CNKSR3: variants seen among roughly 807,000 people sequenced by gnomAD.
The protein encoded by CNKSR3 is connector enhancer of kinase suppressor of ras 3.
CNKSR3 carries 36 observed loss-of-function variants against 67.7 expected under a neutral mutation model. The observed-to-expected ratio is 0.53, with a 90% CI of 0.41 to 0.70. The LOEUF is 0.70. CNKSR3 is among the 30% of genes least tolerant of loss of function. The pLI, the probability that CNKSR3 is intolerant of heterozygous loss-of-function variation, is 0.00. For synonymous variants in CNKSR3, 281 were observed against 271.4 expected, an observed-to-expected ratio of 1.04 and a Z score of -0.35; for missense variants, 630 against 695.2, an observed-to-expected ratio of 0.91 and a Z score of 1.05.
chr6:154,507,897 A>G (rs1787134717), intron 1 of CNKSR3, among the ~76,000 whole-genome samples: 1 of 152,210 alleles, frequency 6.6e-6, no homozygotes, highest in Non-Finnish European at 1.5e-5. Flanking sequence ...ATACTCAACA[A>G]ACATAACAGG....
At chr6:154,464,551 C>A (rs1786151752) in intron 1 of CNKSR3, among the ~76,000 whole-genome samples, 1 of 151,358 alleles carries the variant, frequency 6.6e-6, no homozygotes, top group Non-Finnish European at 1.5e-5. Context: ...CCCATCTCTA[C>A]TAAAATACAA....
intron 1 of CNKSR3, among the ~76,000 whole-genome samples, chr6:154,470,889 A>C (rs1306271699): frequency 6.6e-6 from 1 of 152,230 alleles, no homozygotes; most frequent in African/African-American, 2.4e-5. Flanking sequence ...ACCATGTTAC[A>C]TTCCTGCCAG....
intron 8 of CNKSR3, 78 bp downstream of exon 8, chr6:154,422,837 T>TA (rs1313318537): frequency 1.5e-6 from 2 of 1,337,188 alleles, no homozygotes; most frequent in Admixed American, 4.1e-5. Context: ...CGGCAAATTT[T>TA]AAAAATTTAA....
In CNKSR3 at chr6:154,394,065, C is replaced by G. The variant is rs548479398; in HGVS notation, c.*12289G>C. 6 of 152,316 alleles carry G rather than the reference C, an allele frequency of 3.9e-5. No homozygotes were observed. The highest frequency in any genetic ancestry group is 1.4e-4 in the African/African-American group (6 of 41,562). 9.4% of individuals were successfully genotyped at this position (152,316 alleles called of 1,614,324 possible). A position where few individuals can be genotyped will look rare whatever the true frequency, so the allele number is the denominator to read the frequency against. ...TGAGGGTTTTGCTTTGTCATCCAGA[C>G]TGGAGTGCAGTGGTGTAAACCTGGT... On this transcript the variant is annotated 3_prime_UTR_variant, in exon 13 of 13. Transcript: ENST00000607772.
intron 1 of CNKSR3, among the ~76,000 whole-genome samples, chr6:154,497,088 G>A (rs185888814): frequency 5.6e-4 from 86 of 152,218 alleles, no homozygotes; most frequent in South Asian, 4.6e-3. Flanking sequence ...TTAAAGAATC[G>A]TGATAAAGGC....
Position 154,428,125 on chromosome 6 carries a change from T to C in CNKSR3, c.729+3A>G. On this transcript the variant is annotated splice_donor_region_variant and intron_variant, in intron 7 of 12. Coordinates refer to ENST00000607772, the MANE Select transcript of CNKSR3 (RefSeq NM_173515.4). The stretch of plus-strand genomic sequence containing the variant: ...ATTTTACACTTAATGAATATACACT[T>C]ACATTTTCTGTGGTTCCAGTAATCA... The C allele has an allele frequency of 6.3e-7, 1 of 1,589,718 alleles. No individual in the cohort carries two copies. Among genetic ancestry groups the C allele is most frequent in the South Asian group, 1.1e-5 (1 of 90,444 alleles).
intron 1 of CNKSR3, among the ~76,000 whole-genome samples, chr6:154,466,021 G>T (rs2114620258): frequency 6.6e-6 from 1 of 152,308 alleles, no homozygotes; most frequent in Non-Finnish European, 1.5e-5. Flanking sequence ...GCCTCCAAAG[G>T]ATGAAACACT....
At chr6:154,480,072 A>G (rs1449415758) in intron 1 of CNKSR3, among the ~76,000 whole-genome samples, 2 of 152,230 alleles carry the variant, frequency 1.3e-5, no homozygotes, top group African/African-American at 2.4e-5. Context: ...GTTGGCTGTC[A>G]GGAACGGAAA....
chr6:154,434,808 T>TTG (rs1168731807), intron 4 of CNKSR3, among the ~76,000 whole-genome samples: 1 of 152,226 alleles, frequency 6.6e-6, no homozygotes, highest in Non-Finnish European at 1.5e-5. Context: ...CCAAATGTGC[T>TTG]TTTCCAATTC....
At position 154,495,172 on chromosome 6, in the gene CNKSR3, A is replaced by T. The variant is rs935909476; in HGVS notation, c.52+14891T>A. On this transcript the variant is annotated intron_variant, in intron 1 of 12. Coordinates refer to ENST00000607772, the MANE Select transcript of CNKSR3 (RefSeq NM_173515.4). ...GATATTTGCACCTCATTACAACATG[A>T]CACAATTAGAATGCTGTAATAAGAG... Among the ~76,000 whole-genome samples, 4 of 152,256 alleles carry T rather than the reference A, an allele frequency of 2.6e-5. No homozygotes were observed. In the South Asian group the frequency reaches 8.3e-4, roughly 32 times the overall value.
intron 1 of CNKSR3, among the ~76,000 whole-genome samples, chr6:154,487,635 T>A (rs552912350): frequency 1.3e-5 from 2 of 152,348 alleles, no homozygotes; most frequent in South Asian, 4.1e-4. Context: ...TGTGAATGAA[T>A]GGACACATGA....
At chr6:154,482,746 A>G (rs2114640526) in intron 1 of CNKSR3, among the ~76,000 whole-genome samples, 1 of 152,362 alleles carries the variant, frequency 6.6e-6, no homozygotes, top group African/African-American at 2.4e-5. Context: ...CAACCTATCT[A>G]GAGTTCTGTT....
intron 1 of CNKSR3, among the ~76,000 whole-genome samples, chr6:154,465,812 A>G (rs1582882908): frequency 6.6e-6 from 1 of 152,354 alleles, no homozygotes; most frequent in East Asian, 1.9e-4. Flanking sequence ...ACTTAAAGAC[A>G]TTATCAGAAG....
intron 9 of CNKSR3, chr6:154,414,752 T>C: frequency 1.9e-6 from 1 of 529,186 alleles, no homozygotes; most frequent in Non-Finnish European, 3.9e-6. Context: ...ACTGATAATA[T>C]CTCTTGCATA....
intron 1 of CNKSR3, among the ~76,000 whole-genome samples, chr6:154,470,079 C>T (rs773742256): frequency 2.0e-5 from 3 of 151,226 alleles, no homozygotes; most frequent in Non-Finnish European, 2.9e-5. Context: ...CAAGGGTCTA[C>T]TGTAATTTGA....
At position 154,389,905 on chromosome 6, in the gene CNKSR3, C is replaced by A. The variant is rs1036785334; in HGVS notation, c.*16449G>T. 2 of 152,120 alleles carry A rather than the reference C, an allele frequency of 1.3e-5. No individual in the cohort carries two copies. The highest frequency in any genetic ancestry group is 4.8e-5 in the African/African-American group (2 of 41,422). 9.4% of individuals were successfully genotyped at this position (152,120 alleles called of 1,614,324 possible). ...CTGATGAAATAAATTAAAGAAGACA[C>A]AAACAAATGGAAAGACATTTCATTC... On this transcript the variant is annotated 3_prime_UTR_variant, in exon 13 of 13. Transcript: ENST00000607772.
chr6:154,473,326 G>A (rs1207176746), intron 1 of CNKSR3, among the ~76,000 whole-genome samples: 1 of 152,222 alleles, frequency 6.6e-6, no homozygotes, highest in Non-Finnish European at 1.5e-5. Flanking sequence ...GTTAGGCATA[G>A]GACTAAAGCA....
chr6:154,464,716 GA>G (rs112469215), intron 1 of CNKSR3, among the ~76,000 whole-genome samples: 8 of 134,006 alleles, frequency 6.0e-5, no homozygotes, highest in South Asian at 4.7e-4. Context: ...CTCTGTCTCA[GA>G]AAAAAAAAAG....
At chr6:154,460,299 C>T (rs531186489) in intron 1 of CNKSR3, among the ~76,000 whole-genome samples, 1 of 152,276 alleles carries the variant, frequency 6.6e-6, no homozygotes, top group South Asian at 2.1e-4. Context: ...CTTTGCTCCT[C>T]CCTCAAAAAA....
Sources: gnomAD v4.1 joint callset for allele counts (sites outside exome capture counted in the v4.1 genomes callset) on GRCh38, gnomAD v4.1.1 for gene constraint, MANE v1.5 for transcripts, NCBI Gene and HGNC (gene_info 2026-07-23, HGNC 2026-07-21) for gene names.